Variants in MTREX observed in about 807,000 individuals in gnomAD.
The protein encoded by MTREX is exosome RNA helicase MTR4.
A neutral mutation model predicts 135.4 loss-of-function variants in MTREX; 76 were observed. That is an observed-to-expected ratio of 0.56 (90% confidence interval 0.47 to 0.68). The LOEUF (loss-of-function observed/expected upper bound fraction) is 0.68, where lower values mean the gene tolerates loss of function less well. Ranked by LOEUF, MTREX falls within the 30% of genes least tolerant of loss-of-function variation. The pLI, the probability that MTREX is intolerant of heterozygous loss-of-function variation, is 0.00. For synonymous variants in MTREX, 404 were observed against 401.6 expected, an observed-to-expected ratio of 1.01 and a Z score of -0.07; for missense variants, 920 against 1,262.1, an observed-to-expected ratio of 0.73 and a Z score of 4.11.
At chr5:55,335,584 G>A (rs1029965546) in intron 5 of MTREX, among the ~76,000 whole-genome samples, 5 of 151,884 alleles carry the variant, frequency 3.3e-5, no homozygotes, top group Admixed American at 1.3e-4. Flanking sequence ...TTGAATTCCC[G>A]TAAATTACTC....
intron 10 of MTREX, among the ~76,000 whole-genome samples, chr5:55,345,911 G>T (rs1055985388): frequency 3.3e-5 from 5 of 152,038 alleles, no homozygotes; most frequent in Non-Finnish European, 7.4e-5. Context: ...GAAGTGATAT[G>T]CCCATCGTGG....
intron 5 of MTREX, among the ~76,000 whole-genome samples, chr5:55,332,640 G>T (rs1054077380): frequency 1.3e-5 from 2 of 152,120 alleles, no homozygotes; most frequent in Non-Finnish European, 2.9e-5. Context: ...GAGGAAATTG[G>T]GCCTAACTTG....
intron 4 of MTREX, among the ~76,000 whole-genome samples, 166 bp from the exon 5 acceptor site, chr5:55,328,533 G>C (rs1256953763): frequency 6.6e-6 from 1 of 152,206 alleles, no homozygotes; most frequent in East Asian, 1.9e-4. Context: ...CAAAAATGTA[G>C]TGTACTCTTC....
chr5:55,399,978 A>G (rs1399633837), intron 20 of MTREX, among the ~76,000 whole-genome samples: 1 of 152,254 alleles, frequency 6.6e-6, no homozygotes, highest in Non-Finnish European at 1.5e-5. Context: ...GTTCAGGACT[A>G]TGATCAAATT....
At chr5:55,322,195 C>T in intron 1 of MTREX, 132 bp from the exon 2 acceptor site, 1 of 639,270 alleles carries the variant, frequency 1.6e-6, no homozygotes, top group South Asian at 4.7e-5. Flanking sequence ...GGGCTTCAGC[C>T]AGTTGTTGTT....
chr5:55,395,450 C>T (rs1163012505), intron 19 of MTREX, among the ~76,000 whole-genome samples: 1 of 151,922 alleles, frequency 6.6e-6, no homozygotes, highest in Non-Finnish European at 1.5e-5. Flanking sequence ...GAAAAGTCAC[C>T]ATTAGGCAAC....
At chr5:55,321,241 A>G (rs542504133) in intron 1 of MTREX, among the ~76,000 whole-genome samples, 1 of 152,286 alleles carries the variant, frequency 6.6e-6, no homozygotes, top group South Asian at 2.1e-4. Context: ...AAGGATTCTG[A>G]AACCAAAAAG....
chr5:55,339,869 T>C (rs2112055019), intron 5 of MTREX, 141 bp from the exon 6 acceptor site: 1 of 445,654 alleles, frequency 2.2e-6, no homozygotes, highest in South Asian at 7.8e-5. Flanking sequence ...ATTAGTATAA[T>C]AGATATGGTG....
intron 18 of MTREX, among the ~76,000 whole-genome samples, chr5:55,387,282 G>A (rs1459844066): frequency 6.6e-6 from 1 of 152,044 alleles, no homozygotes; most frequent in East Asian, 1.9e-4. Context: ...AAATGGATTC[G>A]TTGTCATTTA....
At chr5:55,336,500 G>A (rs1426920569) in intron 5 of MTREX, among the ~76,000 whole-genome samples, 1 of 152,130 alleles carries the variant, frequency 6.6e-6, no homozygotes, top group African/African-American at 2.4e-5. Flanking sequence ...CGTAGTATTA[G>A]CTTTTTATTC....
chr5:55,338,808 T>TTTTTG (rs1749596708), intron 5 of MTREX, among the ~76,000 whole-genome samples: 1 of 146,700 alleles, frequency 6.8e-6, no homozygotes, highest in South Asian at 2.2e-4. Flanking sequence ...TTTTTTTTTT[T>TTTTTG]GAGACACAGT....
chr5:55,423,177 G>A (rs1751082620), intron 26 of MTREX, 195 bp downstream of exon 26: 5 of 564,326 alleles, frequency 8.9e-6, no homozygotes, highest in South Asian at 2.4e-5. Flanking sequence ...ATGCATTTAC[G>A]TATATTAATT....
intron 22 of MTREX, 108 bp from the exon 23 acceptor site, chr5:55,410,416 C>G (rs1579900739): frequency 2.0e-6 from 1 of 511,654 alleles, no homozygotes; most frequent in African/African-American, 2.0e-5. Flanking sequence ...TTGATTACTC[C>G]TTAAGGTCAA....
At chr5:55,403,400 AT>A (rs1750754527) in intron 21 of MTREX, among the ~76,000 whole-genome samples, 1 of 152,156 alleles carries the variant, frequency 6.6e-6, no homozygotes. Context: ...CCACATTTAA[AT>A]TTTTTAGTAG....
chr5:55,391,953 A>G (rs990557224), intron 19 of MTREX, among the ~76,000 whole-genome samples: 1 of 152,158 alleles, frequency 6.6e-6, no homozygotes, highest in African/African-American at 2.4e-5. Flanking sequence ...TTGGCACCCT[A>G]CAAATAAACA....
intron 18 of MTREX, among the ~76,000 whole-genome samples, chr5:55,384,751 A>G (rs1330632124): frequency 6.6e-6 from 1 of 151,908 alleles, no homozygotes; most frequent in Admixed American, 6.6e-5. Flanking sequence ...GTAGCCTTTT[A>G]GTTTGTTTCT....
chr5:55,374,713 T>G (rs972161711), intron 16 of MTREX, among the ~76,000 whole-genome samples: 1 of 152,218 alleles, frequency 6.6e-6, no homozygotes, highest in Non-Finnish European at 1.5e-5. Context: ...AGATAATTCC[T>G]AAACAGAAAA....
chr5:55,324,170 T>G lies in MTREX; in HGVS notation c.311T>G (p.Val104Gly), dbSNP rs750512165. ...DLMPRVKVQS[V>G]ETVEGCTHEV... Reference sequence around the variant, plus strand: ...ATGCCCAGAGTCAAGGTACAATCAGTTGAAACTGTTGAAGGGTGTACACAT... The same window carrying G: ...ATGCCCAGAGTCAAGGTACAATCAGGTGAAACTGTTGAAGGGTGTACACAT... The change falls in exon 3 of 27, where the codon GTT (valine) becomes GGT (glycine). Residue 104 changes from valine (V) to glycine (G), a missense_variant. Physicochemically the swap from Val to Gly is moderately radical, Grantham distance 109 (BLOSUM62 -3). Transcript: ENST00000230640. 4 of 1,610,936 alleles carry G rather than the reference T, an allele frequency of 2.5e-6. No homozygotes were observed. The highest frequency in any genetic ancestry group is 3.4e-6 in the Non-Finnish European group (4 of 1,178,546).
In MTREX at chr5:55,347,119, A is replaced by G. The variant is rs1312257241; in HGVS notation, c.1215A>G (p.Gln405=). ...AAGATTGTGAAGCCTATGCACTTCA[A>G]ATGACCAAATTAGATTTCAACACAG... ...SKKDCEAYAL[Q]MTKLDFNTDE... Residue 405 remains glutamine (Q), a synonymous_variant, in exon 11 of 27, where the codon CAA becomes CAG. Coordinates refer to ENST00000230640, the MANE Select transcript of MTREX (RefSeq NM_015360.5). 5 of 1,605,198 alleles carry G rather than the reference A, an allele frequency of 3.1e-6. No individual in the cohort carries two copies. The highest frequency in any genetic ancestry group is 4.3e-6 in the Non-Finnish European group (5 of 1,176,448).
Sources: gnomAD v4.1 joint callset for allele counts (sites outside exome capture counted in the v4.1 genomes callset) on GRCh38, gnomAD v4.1.1 for gene constraint, MANE v1.5 for transcripts, NCBI Gene and HGNC (gene_info 2026-07-23, HGNC 2026-07-21) for gene names.